The following CDH18 variants were observed in gnomAD, a reference collection of about 807,000 sequenced individuals.
CDH18 encodes cadherin-18.
In CDH18, 31 loss-of-function variants were observed where a neutral mutation model predicts 67.9. The ratio of observed to expected loss-of-function variants is 0.46; its 90% CI spans 0.34 to 0.62. The LOEUF (loss-of-function observed/expected upper bound fraction) is 0.62, where lower values mean the gene tolerates loss of function less well. Ranked by LOEUF, CDH18 falls within the 20% of genes least tolerant of loss-of-function variation. The pLI is 0.01. For synonymous variants in CDH18, 362 were observed against 347.2 expected, an observed-to-expected ratio of 1.04 and a Z score of -0.48; for missense variants, 890 against 975.5, an observed-to-expected ratio of 0.91 and a Z score of 1.17.
intron 1 of CDH18, among the ~76,000 whole-genome samples, chr5:20,363,368 C>T (rs1366009084): frequency 3.0e-4 from 45 of 151,378 alleles, no homozygotes; most frequent in Non-Finnish European, 1.3e-4. Context: ...GCCTGTAATC[C>T]CAGCTACTTG....
intron 11 of CDH18, among the ~76,000 whole-genome samples, chr5:19,501,902 T>G (rs537381771): frequency 6.6e-6 from 1 of 152,314 alleles, no homozygotes; most frequent in African/African-American, 2.4e-5. Context: ...TAAGTAAATG[T>G]ACAATAGTCA....
intron 2 of CDH18, among the ~76,000 whole-genome samples, chr5:20,219,616 T>C (rs1378557373): frequency 2.6e-5 from 4 of 151,430 alleles, no homozygotes; most frequent in African/African-American, 9.7e-5. Context: ...TCAAACACAT[T>C]AAAAAGATCA....
chr5:20,506,231 C>G (rs1754649632), intron 1 of CDH18, among the ~76,000 whole-genome samples: 1 of 152,204 alleles, frequency 6.6e-6, no homozygotes, highest in Admixed American at 6.5e-5. Flanking sequence ...ATGAAGCCCT[C>G]AGGCAACTGT....
chr5:19,937,206 A>G (rs1171658645), intron 2 of CDH18, among the ~76,000 whole-genome samples: 1 of 151,352 alleles, frequency 6.6e-6, no homozygotes, highest in Non-Finnish European at 1.5e-5. Flanking sequence ...TAACTATATA[A>G]TTATGGTTAC....
chr5:20,529,053 T>A (rs1213795277), intron 1 of CDH18, among the ~76,000 whole-genome samples: 1 of 151,762 alleles, frequency 6.6e-6, no homozygotes, highest in African/African-American at 2.4e-5. Flanking sequence ...TCAGAAATGA[T>A]AAGGGGGATA....
chr5:20,044,748 T>C (rs1740763542), intron 2 of CDH18, among the ~76,000 whole-genome samples: 1 of 152,160 alleles, frequency 6.6e-6, no homozygotes, highest in Non-Finnish European at 1.5e-5. Flanking sequence ...TTAAGCCATA[T>C]CATCTGCTTC....
At chr5:19,831,877 TTAAA>T (rs1781072364) in intron 3 of CDH18, among the ~76,000 whole-genome samples, 3 of 151,918 alleles carry the variant, frequency 2.0e-5, no homozygotes, top group African/African-American at 2.4e-5. Context: ...CAATGGTGGA[TTAAA>T]TAAAGAAAAT....
In CDH18 at chr5:20,112,768, C is replaced by T. The variant is rs568560223; in HGVS notation, c.-517-120754G>A. Among the ~76,000 whole-genome samples, 9 of 152,208 alleles carry T rather than the reference C, an allele frequency of 5.9e-5. No homozygotes were observed. The East Asian group carries it at 1.5e-3, about 26-fold the overall frequency. Reference sequence around the variant, plus strand: ...GTCATTCTCCATAATGCTCATTATTCATATTATTTTTCACCCAATACATTA... The same window carrying T: ...GTCATTCTCCATAATGCTCATTATTTATATTATTTTTCACCCAATACATTA... On this transcript the variant is annotated intron_variant, in intron 2 of 14. Coordinates refer to the CDH18 transcript ENST00000507958.
chr5:20,306,544 A>C (rs1418020620), intron 1 of CDH18, among the ~76,000 whole-genome samples: 1 of 151,948 alleles, frequency 6.6e-6, no homozygotes, highest in East Asian at 1.9e-4. Flanking sequence ...TGTTAATCAC[A>C]CTCTTTAACT....
intron 1 of CDH18, among the ~76,000 whole-genome samples, chr5:20,267,448 C>A (rs1745125622): frequency 6.6e-6 from 1 of 151,768 alleles, no homozygotes; most frequent in South Asian, 2.1e-4. Flanking sequence ...AATTCTAGGA[C>A]TTTTTTTTCT....
chr5:19,853,492 T>A (rs1783935882), intron 2 of CDH18, among the ~76,000 whole-genome samples: 1 of 152,158 alleles, frequency 6.6e-6, no homozygotes, highest in South Asian at 2.1e-4. Context: ...CTAAGTTACA[T>A]GTAAGGGCTT....
At chr5:20,557,420 A>G (rs1343373601) in intron 1 of CDH18, among the ~76,000 whole-genome samples, 1 of 151,544 alleles carries the variant, frequency 6.6e-6, no homozygotes, top group Non-Finnish European at 1.5e-5. Context: ...ATCACAAAGG[A>G]AGAGATATAG....
intron 1 of CDH18, among the ~76,000 whole-genome samples, chr5:20,418,825 A>C (rs1747569351): frequency 6.6e-6 from 1 of 152,054 alleles, no homozygotes; most frequent in Non-Finnish European, 1.5e-5. Flanking sequence ...CTCACGTCCT[A>C]ATGTGATAGT....
intron 3 of CDH18, among the ~76,000 whole-genome samples, chr5:19,787,632 G>A (rs1775947397): frequency 6.6e-6 from 1 of 151,596 alleles, no homozygotes; most frequent in African/African-American, 2.4e-5. Context: ...AAACAGAAAA[G>A]ATAAAAGTTA....
At chr5:20,088,834 C>G (rs1214174615) in intron 2 of CDH18, among the ~76,000 whole-genome samples, 1 of 152,138 alleles carries the variant, frequency 6.6e-6, no homozygotes, top group Non-Finnish European at 1.5e-5. Context: ...CCTGTGATCA[C>G]AATACCAGTA....
Position 20,273,978 on chromosome 5 carries a change from C to T in CDH18, c.-579-18473G>A, listed in dbSNP as rs892243994. Among the ~76,000 whole-genome samples, 4 of 152,162 alleles carry T rather than the reference C, an allele frequency of 2.6e-5. No individual in the cohort carries two copies. The South Asian group carries it at 8.3e-4, about 32-fold the overall frequency. ...TTCTTTAGAGTAGGCTCTAATCCAT[C>T]ATGAGTGGTGTCGGAAGAGAAGAGG... On this transcript the variant is annotated intron_variant, in intron 1 of 14. Transcript: ENST00000507958.
At chr5:20,231,091 C>G (rs1437345066) in intron 2 of CDH18, among the ~76,000 whole-genome samples, 1 of 152,142 alleles carries the variant, frequency 6.6e-6, no homozygotes, top group Non-Finnish European at 1.5e-5. Context: ...TTCATGGCCA[C>G]TGCTACTATA....
At chr5:19,922,564 C>G (rs1026743334) in intron 2 of CDH18, among the ~76,000 whole-genome samples, 1 of 152,172 alleles carries the variant, frequency 6.6e-6, no homozygotes, top group Non-Finnish European at 1.5e-5. Context: ...CCTCCTTTCT[C>G]TATCTGCTGT....
chr5:20,372,435 T>TC (rs1211613564), intron 1 of CDH18, among the ~76,000 whole-genome samples: 1 of 152,126 alleles, frequency 6.6e-6, no homozygotes, highest in Non-Finnish European at 1.5e-5. Context: ...TAATACTAGA[T>TC]CTTATCCTTT....
Sources: gnomAD v4.1 joint callset for allele counts (sites outside exome capture counted in the v4.1 genomes callset) on GRCh38, gnomAD v4.1.1 for gene constraint, MANE v1.5 for transcripts, NCBI Gene and HGNC (gene_info 2026-07-23, HGNC 2026-07-21) for gene names.